The following H1-4 variants were observed in gnomAD, a reference collection of about 807,000 sequenced individuals.
The protein encoded by H1-4 is histone H1.4.
H1-4 carries 9 observed loss-of-function variants against 7.2 expected under a neutral mutation model. That is an observed-to-expected ratio of 1.25 (90% CI 0.75 to 2.18). H1-4 has a LOEUF of 2.18. Among genes scored for constraint, H1-4 ranks in the 30% most tolerant of loss-of-function variants. The pLI, the probability that H1-4 is intolerant of heterozygous loss-of-function variation, is 0.00. For synonymous variants in H1-4, 318 were observed against 126.6 expected (o/e 2.51, Z -10.15); for missense variants, 646 against 287.9 (o/e 2.24, Z -9.00).
rs565396776 is a variant in H1-4 at position 26,156,828 on chromosome 6, C to T, written c.438C>T (p.Thr146=). ...CCAAGAAGGCGACGGGGGCGGCCAC[C>T]CCCAAGAAGAGCGCCAAGAAGACCC... The part of the protein sequence containing the change: ...KKPKKATGAA[T]PKKSAKKTPK... Residue 146 remains threonine, a synonymous_variant, in exon 1 of 1, where the codon ACC becomes ACT. Coordinates refer to ENST00000304218, the MANE Select transcript of H1-4 (RefSeq NM_005321.3). 3 of 1,606,448 alleles carry T rather than the reference C, an allele frequency of 1.9e-6. No individual in the cohort carries two copies. Among genetic ancestry groups the T allele is most frequent in the South Asian group, 2.2e-5 (2 of 90,562 alleles).
Position 26,156,922 on chromosome 6 carries a change from G to T in H1-4, c.532G>T (p.Ala178Ser). The stretch of plus-strand genomic sequence containing the variant: ...AGCGAAAAGCCCGAAAAAGGCGAAA[G>T]CAGCCAAGCCAAAAAAGGCGCCCAA... ...KKAKSPKKAK[A>S]AKPKKAPKSP... The change falls in exon 1 of 1, where the codon GCA (alanine) becomes TCA (serine). Residue 178 changes from alanine to serine, a missense_variant. Coordinates refer to ENST00000304218, the MANE Select transcript of H1-4 (RefSeq NM_005321.3). 3.7e-6 allele frequency: 6 copies of T among 1,611,076 alleles called. No homozygotes were observed. Among genetic ancestry groups the T allele is most frequent in the Non-Finnish European group, 5.1e-6 (6 of 1,179,456 alleles).
chr6:26,156,993 A>C lies in H1-4; in HGVS notation c.603A>C (p.Pro201=), dbSNP rs778426252. 7.5e-6 allele frequency: 12 copies of C among 1,604,298 alleles called. No individual in the cohort carries two copies. Among genetic ancestry groups the C allele is most frequent in the Non-Finnish European group, 1.0e-5 (12 of 1,177,822 alleles). Reference sequence around the variant, plus strand: ...CAGTTAAACCCAAGGCGGCTAAACCAAAGACCGCCAAGCCCAAGGCAGCCA... The same window carrying C: ...CAGTTAAACCCAAGGCGGCTAAACCCAAGACCGCCAAGCCCAAGGCAGCCA... The part of the protein sequence containing the change: ...AKAVKPKAAK[P]KTAKPKAAKP... Residue 201 remains proline (P), a synonymous_variant, in exon 1 of 1, where the codon CCA becomes CCC. Transcript: ENST00000304218.
rs769330993 is a variant in H1-4, at chr6:26,156,458, A to C, written c.68A>C (p.Lys23Thr). 28 of 1,612,122 alleles carry C rather than the reference A, an allele frequency of 1.7e-5. No homozygotes were observed. Among genetic ancestry groups the C allele is most frequent in the East Asian group, 2.2e-5 (1 of 44,844 alleles). The change falls in exon 1 of 1, where the codon AAG becomes ACG. Residue 23 changes from lysine to threonine, a missense_variant. Transcript: ENST00000304218. ...GCCGAGAAGACTCCCGTGAAGAAGAAGGCCCGCAAGTCTGCAGGTGCGGCC... is the reference window on the plus strand; with the variant it reads ...GCCGAGAAGACTCCCGTGAAGAAGACGGCCCGCAAGTCTGCAGGTGCGGCC... ...APAEKTPVKK[K>T]ARKSAGAAKR...
At position 26,156,945 on chromosome 6, in the gene H1-4, C is replaced by T. The variant is rs753683874; in HGVS notation, c.555C>T (p.Pro185=). ...KAKAAKPKKA[P]KSPAKAKAVK... ...AAGCAGCCAAGCCAAAAAAGGCGCCCAAGAGCCCAGCGAAGGCCAAAGCAG... is the reference window on the plus strand; with the variant it reads ...AAGCAGCCAAGCCAAAAAAGGCGCCTAAGAGCCCAGCGAAGGCCAAAGCAG... Residue 185 remains proline (P), a synonymous_variant, in exon 1 of 1, where the codon CCC becomes CCT. Transcript: ENST00000304218. 17 of 1,612,452 alleles carry T rather than the reference C, an allele frequency of 1.1e-5. No homozygotes were observed. Among genetic ancestry groups the T allele is most frequent in the Middle Eastern group, 1.9e-4 (1 of 5,230 alleles).
In H1-4 at chr6:26,157,048, T is replaced by C. The variant is rs1764209151; in HGVS notation, c.658T>C (p.Ter220GlnextTer?). ...KPKKAAAKKK[*>Q] ...AAAGAAGGCGGCAGCCAAGAAAAAGTAGAAAGTTCCTTTGGCCAACTGCTT... is the reference window on the plus strand; with the variant it reads ...AAAGAAGGCGGCAGCCAAGAAAAAGCAGAAAGTTCCTTTGGCCAACTGCTT... Residue 220 changes from the stop codon to glutamine, a stop_lost, in exon 1 of 1, where the codon TAG becomes CAG. Coordinates refer to ENST00000304218, the MANE Select transcript of H1-4 (RefSeq NM_005321.3). 1 of 1,579,986 alleles carries C rather than the reference T, an allele frequency of 6.3e-7. No homozygotes were observed. The highest frequency in any genetic ancestry group is 8.5e-7 in the Non-Finnish European group (1 of 1,171,464).
In H1-4 at chr6:26,157,013, C is replaced by T. The variant is rs769685013; in HGVS notation, c.623C>T (p.Ala208Val). ...AAACCAAAGACCGCCAAGCCCAAGG[C>T]AGCCAAGCCAAAGAAGGCGGCAGCC... Reference protein sequence around the residue: ...AAKPKTAKPKAAKPKKAAAKK... With the variant: ...AAKPKTAKPKVAKPKKAAAKK... Residue 208 changes from alanine to valine, a missense_variant, in exon 1 of 1, where the codon GCA becomes GTA. Coordinates refer to ENST00000304218, the MANE Select transcript of H1-4 (RefSeq NM_005321.3). 3.2e-6 allele frequency: 5 copies of T among 1,587,024 alleles called. No homozygotes were observed. Among genetic ancestry groups the T allele is most frequent in the East Asian group, 4.5e-5 (2 of 44,818 alleles).
rs763107635 is a variant in H1-4 at position 26,156,983 on chromosome 6, C to G, written c.593C>G (p.Ala198Gly). 1 of 1,607,720 alleles carries G rather than the reference C, an allele frequency of 6.2e-7. No homozygotes were observed. The highest frequency in any genetic ancestry group is 1.1e-5 in the South Asian group (1 of 90,264). ...PAKAKAVKPK[A>G]AKPKTAKPKA... ...AAGGCCAAAGCAGTTAAACCCAAGG[C>G]GGCTAAACCAAAGACCGCCAAGCCC... The change falls in exon 1 of 1, where the codon GCG becomes GGG. Residue 198 changes from alanine (A) to glycine (G), a missense_variant. Coordinates refer to ENST00000304218, the MANE Select transcript of H1-4 (RefSeq NM_005321.3).
In H1-4 at chr6:26,156,549, G is replaced by C. The variant is rs754602998; in HGVS notation, c.159G>C (p.Glu53Asp). 2 of 1,614,154 alleles carry C rather than the reference G, an allele frequency of 1.2e-6. No individual in the cohort carries two copies. The highest frequency in any genetic ancestry group is 1.7e-6 in the Non-Finnish European group (2 of 1,180,012). ...CTAAAGCTGTTGCCGCCTCCAAGGAGCGCAGCGGCGTATCTTTGGCCGCTC... is the reference window on the plus strand; with the variant it reads ...CTAAAGCTGTTGCCGCCTCCAAGGACCGCAGCGGCGTATCTTTGGCCGCTC... ...LITKAVAASK[E>D]RSGVSLAALK... Residue 53 changes from glutamate to aspartate, a missense_variant, in exon 1 of 1, where the codon GAG becomes GAC. Coordinates refer to ENST00000304218, the MANE Select transcript of H1-4 (RefSeq NM_005321.3).
rs141466409 is a variant in H1-4 at position 26,156,483 on chromosome 6, C to G, written c.93C>G (p.Ala31=). Reference sequence around the variant, plus strand: ...AGGCCCGCAAGTCTGCAGGTGCGGCCAAGCGCAAAGCGTCTGGGCCCCCGG... The same window carrying G: ...AGGCCCGCAAGTCTGCAGGTGCGGCGAAGCGCAAAGCGTCTGGGCCCCCGG... ...KKKARKSAGA[A]KRKASGPPVS... Residue 31 remains alanine (A), a synonymous_variant, in exon 1 of 1, where the codon GCC becomes GCG. Coordinates refer to ENST00000304218, the MANE Select transcript of H1-4 (RefSeq NM_005321.3). The G allele has an allele frequency of 2.0e-4, 318 of 1,613,544 alleles. 1 individual carries two copies. In the African/African-American group the frequency reaches 4.0e-3, roughly 20 times the overall value.
chr6:26,156,680 A>G lies in H1-4; in HGVS notation c.290A>G (p.Lys97Arg), dbSNP rs770098491. ...AGCAAGGGCACCCTGGTGCAGACCA[A>G]GGGCACCGGCGCGTCGGGTTCCTTC... Reference protein sequence around the residue: ...LVSKGTLVQTKGTGASGSFKL... With the variant: ...LVSKGTLVQTRGTGASGSFKL... Residue 97 changes from lysine to arginine, a missense_variant, in exon 1 of 1, where the codon AAG becomes AGG. Transcript: ENST00000304218. The G allele has an allele frequency of 8.1e-6, 13 of 1,614,128 alleles. No homozygotes were observed. The highest frequency in any genetic ancestry group is 8.5e-6 in the Non-Finnish European group (10 of 1,180,058).
At position 26,157,040 on chromosome 6, in the gene H1-4, AG is replaced by A. The variant is rs1170965491; in HGVS notation, c.651del (p.Lys219SerfsTer10). 1 of 1,580,888 alleles carries A rather than the reference AG, an allele frequency of 6.3e-7. No homozygotes were observed. The highest frequency in any genetic ancestry group is 8.5e-7 in the Non-Finnish European group (1 of 1,171,756). ...KAAKPKKAAA[K>X]KK ...GCCAAGCCAAAGAAGGCGGCAGCCA[AG>A]AAAAAGTAGAAAGTTCCTTTGGCCA... On this transcript the variant is annotated frameshift_variant, in exon 1 of 1. Coordinates refer to ENST00000304218, the MANE Select transcript of H1-4 (RefSeq NM_005321.3). LOFTEE classifies it high-confidence loss of function.
Position 26,156,633 on chromosome 6 carries a change from G to A in H1-4, c.243G>A (p.Lys81=), listed in dbSNP as rs200686576. ...YDVEKNNSRI[K]LGLKSLVSKG... The stretch of plus-strand genomic sequence containing the variant: ...TGGAGAAGAACAACAGCCGCATCAA[G>A]CTGGGTCTCAAGAGCCTGGTGAGCA... Residue 81 remains lysine, a synonymous_variant, in exon 1 of 1, where the codon AAG becomes AAA. Coordinates refer to ENST00000304218, the MANE Select transcript of H1-4 (RefSeq NM_005321.3). 22 of 1,614,258 alleles carry A rather than the reference G, an allele frequency of 1.4e-5. No individual in the cohort carries two copies. Among genetic ancestry groups the A allele is most frequent in the African/African-American group, 8.0e-5 (6 of 75,082 alleles).
Position 26,156,405 on chromosome 6 carries a change from G to C in H1-4, c.15G>C (p.Ala5=), listed in dbSNP as rs781753197. ...TTGCCTTCAACATGTCCGAGACTGC[G>C]CCTGCCGCGCCCGCTGCTCCGGCCC... MSET[A]PAAPAAPAPA... The change falls in exon 1 of 1, where the codon GCG becomes GCC. Residue 5 remains alanine (A), a synonymous_variant. Transcript: ENST00000304218. The C allele has an allele frequency of 1.2e-5, 19 of 1,585,918 alleles. 1 individual carries two copies. The South Asian group carries it at 1.2e-4, about 10-fold the overall frequency.
Position 26,156,933 on chromosome 6 carries a change from A to G in H1-4, c.543A>G (p.Pro181=), listed in dbSNP as rs778470167. The G allele has an allele frequency of 2.4e-5, 39 of 1,611,458 alleles. No homozygotes were observed. Among genetic ancestry groups the G allele is most frequent in the Middle Eastern group, 3.9e-4 (2 of 5,162 alleles). The change falls in exon 1 of 1, where the codon CCA becomes CCG. Residue 181 remains proline, a synonymous_variant. Transcript: ENST00000304218. ...CGAAAAAGGCGAAAGCAGCCAAGCC[A>G]AAAAAGGCGCCCAAGAGCCCAGCGA... ...KSPKKAKAAK[P]KKAPKSPAKA... is the part of the protein sequence containing the mutation.
At position 26,156,993 on chromosome 6, in the gene H1-4, A is replaced by G. The variant is rs778426252; in HGVS notation, c.603A>G (p.Pro201=). The change falls in exon 1 of 1, where the codon CCA becomes CCG. Residue 201 remains proline, a synonymous_variant. Coordinates refer to ENST00000304218, the MANE Select transcript of H1-4 (RefSeq NM_005321.3). The part of the protein sequence containing the change: ...AKAVKPKAAK[P]KTAKPKAAKP... Reference sequence around the variant, plus strand: ...CAGTTAAACCCAAGGCGGCTAAACCAAAGACCGCCAAGCCCAAGGCAGCCA... The same window carrying G: ...CAGTTAAACCCAAGGCGGCTAAACCGAAGACCGCCAAGCCCAAGGCAGCCA... 6.2e-6 allele frequency: 10 copies of G among 1,604,298 alleles called. 1 individual carries two copies. Among genetic ancestry groups the G allele is most frequent in the South Asian group, 4.5e-5 (4 of 89,536 alleles).
Position 26,156,379 on chromosome 6 carries a change from C to CT in H1-4, c.-10dup. On this transcript the variant is annotated 5_prime_UTR_variant, in exon 1 of 1. Transcript: ENST00000304218. ...CCGGCTCGAATTGCTCTCGCTCACG[C>CT]TTGCCTTCAACATGTCCGAGACTGC... 1.3e-6 allele frequency: 2 copies of CT among 1,547,646 alleles called. No individual in the cohort carries two copies. The highest frequency in any genetic ancestry group is 1.7e-6 in the Non-Finnish European group (2 of 1,151,164).
rs774370544 is a variant in H1-4, at chr6:26,156,480, G to A, written c.90G>A (p.Ala30=). 4.3e-6 allele frequency: 7 copies of A among 1,613,340 alleles called. No individual in the cohort carries two copies. Among genetic ancestry groups the A allele is most frequent in the Admixed American group, 1.7e-5 (1 of 60,018 alleles). Residue 30 remains alanine (A), a synonymous_variant, in exon 1 of 1, where the codon GCG becomes GCA. Transcript: ENST00000304218. ...AGAAGGCCCGCAAGTCTGCAGGTGC[G>A]GCCAAGCGCAAAGCGTCTGGGCCCC... ...VKKKARKSAG[A]AKRKASGPPV...
chr6:26,157,076 A>G lies in H1-4; in HGVS notation c.*26A>G, dbSNP rs1764210351. Reference sequence around the variant, plus strand: ...AAAGTTCCTTTGGCCAACTGCTTAGAAGCCCAACACAACCCAAAGGCTCTT... The same window carrying G: ...AAAGTTCCTTTGGCCAACTGCTTAGGAGCCCAACACAACCCAAAGGCTCTT... On this transcript the variant is annotated 3_prime_UTR_variant, in exon 1 of 1. Coordinates refer to ENST00000304218, the MANE Select transcript of H1-4 (RefSeq NM_005321.3). 6.4e-7 allele frequency: 1 copy of G among 1,571,724 alleles called. No homozygotes were observed. Among genetic ancestry groups the G allele is most frequent in the South Asian group, 1.2e-5 (1 of 83,808 alleles).
At position 26,156,830 on chromosome 6, in the gene H1-4, C is replaced by T. The variant is rs781314800; in HGVS notation, c.440C>T (p.Pro147Leu). 1 of 1,606,448 alleles carries T rather than the reference C, an allele frequency of 6.2e-7. No homozygotes were observed. Among genetic ancestry groups the T allele is most frequent in the Non-Finnish European group, 8.5e-7 (1 of 1,176,808 alleles). Residue 147 changes from proline to leucine, a missense_variant, in exon 1 of 1, where the codon CCC becomes CTC. Transcript: ENST00000304218. ...KPKKATGAAT[P>L]KKSAKKTPKK... ...AAGAAGGCGACGGGGGCGGCCACCC[C>T]CAAGAAGAGCGCCAAGAAGACCCCA...
Sources: gnomAD v4.1 joint callset for allele counts on GRCh38, gnomAD v4.1.1 for gene constraint, MANE v1.5 for transcripts, NCBI Gene and HGNC (gene_info 2026-07-23, HGNC 2026-07-21) for gene names.